The following LSM14A variants were observed in gnomAD, a reference collection of about 807,000 sequenced individuals.
LSM14A encodes the protein protein LSM14 homolog A.
In LSM14A, 14 loss-of-function variants were observed where a neutral mutation model predicts 52.4. The observed-to-expected ratio is 0.27, with a 90% CI of 0.18 to 0.42. The LOEUF (loss-of-function observed/expected upper bound fraction) is 0.42. LSM14A is among the 10% of genes least tolerant of loss of function. LSM14A has a pLI of 1.00. For missense variants in LSM14A, 417 were observed against 581.8 expected (o/e 0.72, Z 2.91); for synonymous variants, 185 against 200.3 (o/e 0.92, Z 0.64).
chr19:34,181,148 G>A (rs941563988), intron 1 of LSM14A, among the ~76,000 whole-genome samples: 5 of 152,028 alleles, frequency 3.3e-5, no homozygotes, highest in African/African-American at 1.2e-4. Context: ...CCTTCCACTT[G>A]TGCAGCATTT....
intron 1 of LSM14A, among the ~76,000 whole-genome samples, chr19:34,184,022 T>A (rs2145545036): frequency 6.6e-6 from 1 of 151,718 alleles, no homozygotes; most frequent in African/African-American, 2.4e-5. Flanking sequence ...CTAGGCAACC[T>A]CTGATCTACT....
intron 3 of LSM14A, among the ~76,000 whole-genome samples, chr19:34,205,625 T>C (rs1259205306): frequency 6.6e-6 from 1 of 151,252 alleles, no homozygotes; most frequent in African/African-American, 2.4e-5. Flanking sequence ...AAGGTTGCAG[T>C]GAACTATGAT....
chr19:34,184,982 T>TC (rs1281060460), intron 1 of LSM14A, among the ~76,000 whole-genome samples: 6 of 152,238 alleles, frequency 3.9e-5, no homozygotes, highest in African/African-American at 1.4e-4. Flanking sequence ...ATAAGAGAGA[T>TC]CCTTTGTAAA....
chr19:34,194,210 A>G (rs2070678876), intron 1 of LSM14A, among the ~76,000 whole-genome samples: 1 of 152,174 alleles, frequency 6.6e-6, no homozygotes, highest in Admixed American at 6.5e-5. Flanking sequence ...ACACCCCACT[A>G]CAACCACTAA....
intron 6 of LSM14A, among the ~76,000 whole-genome samples, chr19:34,216,446 A>T (rs1209022866): frequency 1.3e-5 from 2 of 152,046 alleles, no homozygotes; most frequent in Non-Finnish European, 2.9e-5. Flanking sequence ...CTGGAAAAAA[A>T]TTCTACTTAG....
chr19:34,180,160 C>G (rs1014930994), intron 1 of LSM14A, among the ~76,000 whole-genome samples: 1 of 152,210 alleles, frequency 6.6e-6, no homozygotes, highest in Non-Finnish European at 1.5e-5. Context: ...CTCAAGTGAT[C>G]TGCCTGCCTT....
In LSM14A at chr19:34,229,258, C is replaced by G. The variant is rs1461723055; in HGVS notation, c.*1870C>G. 6.6e-6 allele frequency: 1 copy of G among 152,086 alleles called. No individual in the cohort carries two copies. Among genetic ancestry groups the G allele is most frequent in the African/African-American group, 2.4e-5 (1 of 41,414 alleles). The allele number at this position is 152,086 out of a possible 1,614,324, so 9.4% of individuals were successfully genotyped here. On this transcript the variant is annotated 3_prime_UTR_variant, in exon 10 of 10. Transcript: ENST00000544216. ...ACAATATTAAAGCAAAGTTTTTATT[C>G]TAAAACAGAATAAAACTGTTCAATA...
chr19:34,196,779 C>T lies in LSM14A; in HGVS notation c.415+16C>T. ...GTTGGTGTTGGTATGTTTTCTTTTT[C>T]TTTTCTTTTTTTGTTTTTGTATTCT... On this transcript the variant is annotated intron_variant, in intron 3 of 9. Coordinates refer to ENST00000544216, the MANE Select transcript of LSM14A (RefSeq NM_015578.4). 1 of 1,582,362 alleles carries T rather than the reference C, an allele frequency of 6.3e-7. No individual in the cohort carries two copies. Among genetic ancestry groups the T allele is most frequent in the Non-Finnish European group, 8.5e-7 (1 of 1,171,698 alleles).
intron 3 of LSM14A, among the ~76,000 whole-genome samples, chr19:34,204,171 A>G (rs2071513754): frequency 6.6e-6 from 1 of 152,242 alleles, no homozygotes; most frequent in African/African-American, 2.4e-5. Context: ...AGTATACCCA[A>G]CAATTGCAGA....
chr19:34,192,319 G>GTTGTTGTTGTTTTTTTTTTTTTTT (rs60512063), intron 1 of LSM14A, among the ~76,000 whole-genome samples: 1 of 53,410 alleles, frequency 1.9e-5, no homozygotes, highest in Non-Finnish European at 3.3e-5. Context: ...TCTTTTTGTT[G>GTTGTTGTTGTTTTTTTTTTTTTTT]TTTTTTTTTT....
Position 34,196,650 on chromosome 19 carries a change from C to T in LSM14A, c.302C>T (p.Ser101Leu), listed in dbSNP as rs1389189386. The T allele has an allele frequency of 1.2e-6, 2 of 1,610,622 alleles. No homozygotes were observed. The highest frequency in any genetic ancestry group is 1.7e-6 in the Non-Finnish European group (2 of 1,178,768). The stretch of plus-strand genomic sequence containing the variant: ...TTCCTTCAGTCCTCACTAGGCTCAT[C>T]GACTTCTTCATTCCAGTCCATGGGT... ...PAIVQSSLGS[S>L]TSSFQSMGSY... The change falls in exon 3 of 10, where the codon TCG becomes TTG. Residue 101 changes from serine to leucine, a missense_variant. Coordinates refer to ENST00000544216, the MANE Select transcript of LSM14A (RefSeq NM_015578.4).
intron 9 of LSM14A, chr19:34,226,599 G>C: frequency 1.4e-6 from 1 of 734,150 alleles, no homozygotes; most frequent in Non-Finnish European, 2.1e-6. Context: ...CAAATGTTTT[G>C]GTGTTGTATA....
chr19:34,226,979 T>C (rs2073377559), intron 9 of LSM14A, among the ~76,000 whole-genome samples: 1 of 152,210 alleles, frequency 6.6e-6, no homozygotes, highest in Non-Finnish European at 1.5e-5. Flanking sequence ...ATCAAAGACT[T>C]GGGGATTTTA....
intron 6 of LSM14A, among the ~76,000 whole-genome samples, chr19:34,218,944 A>G (rs1435621425): frequency 6.6e-6 from 1 of 152,196 alleles, no homozygotes; most frequent in African/African-American, 2.4e-5. Context: ...TTTTCTTACT[A>G]TAAATCTTGG....
chr19:34,174,191 C>T (rs529573667), intron 1 of LSM14A, among the ~76,000 whole-genome samples: 2 of 152,256 alleles, frequency 1.3e-5, no homozygotes, highest in South Asian at 4.1e-4. Flanking sequence ...TCAGGTGATC[C>T]ACCCGCCTCG....
In LSM14A at chr19:34,215,499, T is replaced by C. The variant is rs186766788; in HGVS notation, c.716-97T>C. 8 of 1,200,546 alleles carry C rather than the reference T, an allele frequency of 6.7e-6. No individual in the cohort carries two copies. The African/African-American group carries it at 1.1e-4, about 16-fold the overall frequency. 74.4% of individuals were successfully genotyped at this position (1,200,546 alleles called of 1,614,324 possible). ...TTTTGGGCATTGCACAGGCTTTGTT[T>C]TGGGTTTTTTGGTTTGTTTGTTTGC... On this transcript the variant is annotated intron_variant, in intron 5 of 9. Transcript: ENST00000544216.
At chr19:34,214,310 T>C (rs1393733960) in intron 4 of LSM14A, among the ~76,000 whole-genome samples, 1 of 151,380 alleles carries the variant, frequency 6.6e-6, no homozygotes, top group Non-Finnish European at 1.5e-5. Flanking sequence ...ATTTATTTAT[T>C]TATTTATTTA....
At position 34,229,067 on chromosome 19, in the gene LSM14A, C is replaced by T. The variant is rs1435114779; in HGVS notation, c.*1679C>T. ...AGTACCATGGCAATACATGTGTAGA[C>T]TGTTGGAGATGTCCCGGGCCAATTT... is the stretch of plus-strand genomic sequence containing the variant. On this transcript the variant is annotated 3_prime_UTR_variant, in exon 10 of 10. Transcript: ENST00000544216. 6.6e-6 allele frequency: 1 copy of T among 152,100 alleles called. No individual in the cohort carries two copies. Among genetic ancestry groups the T allele is most frequent in the African/African-American group, 2.4e-5 (1 of 41,398 alleles). The allele number at this position is 152,100 out of a possible 1,614,324, so 9.4% of individuals were successfully genotyped here.
At chr19:34,197,884 G>A (rs901211334) in intron 3 of LSM14A, among the ~76,000 whole-genome samples, 3 of 152,118 alleles carry the variant, frequency 2.0e-5, no homozygotes, top group African/African-American at 4.8e-5. Flanking sequence ...AGCAGGGCTG[G>A]GCGAATGACA....
Sources: allele counts gnomAD v4.1 joint callset (sites outside exome capture counted in the v4.1 genomes callset), GRCh38; gene constraint gnomAD v4.1.1; transcripts MANE v1.5; gene names NCBI Gene and HGNC (gene_info 2026-07-23, HGNC 2026-07-21).